FANK1: variants seen among roughly 807,000 people sequenced by gnomAD.
The protein encoded by FANK1 is fibronectin type 3 and ankyrin repeat domains protein 1.
FANK1 carries 44 observed loss-of-function variants against 45.3 expected under a neutral mutation model. That is an observed-to-expected ratio of 0.97 (90% CI 0.76 to 1.25). The LOEUF (loss-of-function observed/expected upper bound fraction) is 1.25. FANK1 is among the 50% of genes most tolerant of loss of function. The pLI is 0.00. For synonymous variants in FANK1, 149 were observed against 152.5 expected, an observed-to-expected ratio of 0.98 and a Z score of 0.17; for missense variants, 391 against 424.4, an observed-to-expected ratio of 0.92 and a Z score of 0.69.
chr10:125,976,342 G>A (rs746085541), intron 1 of FANK1, among the ~76,000 whole-genome samples: 2 of 152,138 alleles, frequency 1.3e-5, no homozygotes, highest in Non-Finnish European at 2.9e-5. Flanking sequence ...TATTTCCTGA[G>A]TTTGACTGTA....
chr10:125,900,383 G>C (rs1180625420), intron 1 of FANK1, among the ~76,000 whole-genome samples: 1 of 149,096 alleles, frequency 6.7e-6, no homozygotes, highest in Non-Finnish European at 1.5e-5. Flanking sequence ...TTGGAAAATA[G>C]TTCAATAGTA....
At chr10:125,997,787 C>T (rs551701441) in intron 6 of FANK1, among the ~76,000 whole-genome samples, 33 of 152,378 alleles carry the variant, frequency 2.2e-4, no homozygotes, top group African/African-American at 6.3e-4. Flanking sequence ...GAGCAGCTCT[C>T]GCCATCCGCG....
At chr10:125,907,915 C>G (rs1050753678) in intron 1 of FANK1, among the ~76,000 whole-genome samples, 2 of 152,108 alleles carry the variant, frequency 1.3e-5, no homozygotes, top group Admixed American at 6.6e-5. Flanking sequence ...CTTGTGAGAG[C>G]CTATGCAGTG....
In FANK1 at chr10:125,988,545, G is replaced by A; in HGVS notation, c.192-6G>A. On this transcript the variant is annotated splice_region_variant and splice_polypyrimidine_tract_variant and intron_variant, in intron 2 of 10. Transcript: ENST00000368693. Reference sequence around the variant, plus strand: ...GTTATCAGCATGTTTGTCTCCTCCTGTCTAGGGGATATGCAACGAAGCATG... The same window carrying A: ...GTTATCAGCATGTTTGTCTCCTCCTATCTAGGGGATATGCAACGAAGCATG... The A allele has an allele frequency of 6.2e-7, 1 of 1,613,884 alleles. No individual in the cohort carries two copies. The highest frequency in any genetic ancestry group is 8.5e-7 in the Non-Finnish European group (1 of 1,179,824).
intron 1 of FANK1, among the ~76,000 whole-genome samples, chr10:125,931,840 A>G (rs1317000941): frequency 2.0e-5 from 3 of 152,148 alleles, no homozygotes. Flanking sequence ...ACAGTTTCAG[A>G]TCTTAGGTTT....
At chr10:125,946,626 G>C (rs372294033) in intron 1 of FANK1, among the ~76,000 whole-genome samples, 7 of 150,674 alleles carry the variant, frequency 4.6e-5, no homozygotes, top group African/African-American at 1.7e-4. Context: ...CCAAATCTAC[G>C]TCTGATTGGT....
rs1952334682 is a variant in FANK1, at chr10:125,996,465, C to T, written c.399-85C>T. ...TTTCAGTAAAATGAGTCATTTTACC[C>T]ACCTAAGCCCTGTGAGAACCACCGG... On this transcript the variant is annotated intron_variant, in intron 4 of 10. Coordinates refer to ENST00000368693, the MANE Select transcript of FANK1 (RefSeq NM_145235.5). 5 of 1,224,956 alleles carry T rather than the reference C, an allele frequency of 4.1e-6. No individual in the cohort carries two copies. The South Asian group carries it at 5.5e-5, about 13-fold the overall frequency. The allele number at this position is 1,224,956 out of a possible 1,614,324, so 75.9% of individuals were successfully genotyped here.
At chr10:125,929,654 G>C (rs1372520519) in intron 1 of FANK1, among the ~76,000 whole-genome samples, 1 of 152,112 alleles carries the variant, frequency 6.6e-6, no homozygotes, top group Non-Finnish European at 1.5e-5. Flanking sequence ...TTTTATGTAT[G>C]GTATTGTTAA....
chr10:125,955,298 C>T (rs956078878), intron 1 of FANK1, among the ~76,000 whole-genome samples: 1 of 151,934 alleles, frequency 6.6e-6, no homozygotes, highest in African/African-American at 2.4e-5. Context: ...TGTGTTGGTC[C>T]CCCCCATGTG....
At chr10:125,911,643 C>G (rs1946019644) in intron 1 of FANK1, among the ~76,000 whole-genome samples, 1 of 152,224 alleles carries the variant, frequency 6.6e-6, no homozygotes, top group Non-Finnish European at 1.5e-5. Flanking sequence ...GTTTATACTT[C>G]TAGTAGCAAT....
At chr10:126,002,039 G>C (rs575783515) in intron 6 of FANK1, among the ~76,000 whole-genome samples, 1 of 152,134 alleles carries the variant, frequency 6.6e-6, no homozygotes, top group South Asian at 2.1e-4. Flanking sequence ...TAGGCTGGGC[G>C]TGGTGGCTCA....
intron 1 of FANK1, among the ~76,000 whole-genome samples, chr10:125,901,532 A>G (rs1197701256): frequency 2.0e-5 from 3 of 152,164 alleles, no homozygotes; most frequent in Non-Finnish European, 4.4e-5. Context: ...CTTCAAACTC[A>G]TCACACATCT....
chr10:125,962,975 A>G (rs1021327170), intron 1 of FANK1, among the ~76,000 whole-genome samples: 1 of 149,052 alleles, frequency 6.7e-6, no homozygotes, highest in Non-Finnish European at 1.5e-5. Context: ...ATACATTATT[A>G]TTATTACTGT....
At chr10:125,976,714 C>G (rs1383819074) in intron 1 of FANK1, among the ~76,000 whole-genome samples, 1 of 152,124 alleles carries the variant, frequency 6.6e-6, no homozygotes, top group Non-Finnish European at 1.5e-5. Context: ...TCTCTGCCTC[C>G]CAGGTTCAAG....
chr10:125,946,199 A>G (rs1222555856), intron 1 of FANK1, among the ~76,000 whole-genome samples: 4 of 151,892 alleles, frequency 2.6e-5, no homozygotes, highest in South Asian at 2.1e-4. Flanking sequence ...AACGCAGAGC[A>G]CCTCTCCTCC....
At chr10:125,938,167 G>GAA (rs1948221005) in intron 1 of FANK1, among the ~76,000 whole-genome samples, 1 of 152,286 alleles carries the variant, frequency 6.6e-6, no homozygotes, top group East Asian at 1.9e-4. Context: ...GAACAATTGA[G>GAA]AAACTATATC....
At chr10:125,946,254 T>A (rs999622795) in intron 1 of FANK1, among the ~76,000 whole-genome samples, 1 of 151,832 alleles carries the variant, frequency 6.6e-6, no homozygotes, top group African/African-American at 2.4e-5. Flanking sequence ...CAAAGCTGGA[T>A]GGAGAATGAC....
Position 125,993,523 on chromosome 10 carries a change from C to A in FANK1, c.317-1894C>A, listed in dbSNP as rs566092282. Among the ~76,000 whole-genome samples the A allele has an allele frequency of 3.9e-5, 6 of 152,306 alleles. No individual in the cohort carries two copies. In the South Asian group the frequency reaches 1.2e-3, roughly 32 times the overall value. ...TGCACTTATGGATTCTTAGCAGGTT[C>A]CTTGGCCTCTATCCTCTAGATGCCA... On this transcript the variant is annotated intron_variant, in intron 3 of 10. Transcript: ENST00000368693.
At chr10:125,937,509 CT>C (rs1948180346) in intron 1 of FANK1, among the ~76,000 whole-genome samples, 1 of 152,074 alleles carries the variant, frequency 6.6e-6, no homozygotes, top group Non-Finnish European at 1.5e-5. Context: ...CCTCTATCAA[CT>C]TTTTTCATGT....
Sources: allele counts gnomAD v4.1 joint callset (sites outside exome capture counted in the v4.1 genomes callset), GRCh38; gene constraint gnomAD v4.1.1; transcripts MANE v1.5; gene names NCBI Gene and HGNC (gene_info 2026-07-23, HGNC 2026-07-21).